The following CLEC16A variants were observed in gnomAD, a reference collection of about 807,000 sequenced individuals.
The protein encoded by CLEC16A is C-type lectin domain containing 16A.
In CLEC16A, 51 loss-of-function variants were observed where a neutral mutation model predicts 109.5. That is an observed-to-expected ratio of 0.47 (90% CI 0.37 to 0.59). The LOEUF (loss-of-function observed/expected upper bound fraction) is 0.59, where lower values mean the gene tolerates loss of function less well. Ranked by LOEUF, CLEC16A falls within the 20% of genes least tolerant of loss-of-function variation. The pLI is 0.00. For synonymous variants in CLEC16A, 673 were observed against 564.2 expected (o/e 1.19, Z -2.73); for missense variants, 1,339 against 1,394.0 (o/e 0.96, Z 0.63).
chr16:11,178,968 C>A lies in CLEC16A; in HGVS notation c.*278C>A, dbSNP rs200099634. ...GCCACTCAGGGAGCTGCCTGGGCTC[C>A]GTGTCTCTGAGCCCCGGGTGGCAGG... On this transcript the variant is annotated 3_prime_UTR_variant, in exon 24 of 24. Coordinates refer to ENST00000409790, the MANE Select transcript of CLEC16A (RefSeq NM_015226.3). The surrounding 1 kb of genome is among the most constrained non-coding windows in gnomAD (Gnocchi z 6.5). 9 of 384,696 alleles carry A rather than the reference C, an allele frequency of 2.3e-5. No homozygotes were observed. The East Asian group carries it at 3.3e-4, about 14-fold the overall frequency. The allele number at this position is 384,696 out of a possible 1,614,324, so 23.8% of individuals were successfully genotyped here. A position where few individuals can be genotyped will look rare whatever the true frequency, so the allele number is the denominator to read the frequency against.
chr16:10,993,806 A>C lies in CLEC16A; in HGVS notation c.1072-9268A>C, dbSNP rs192232077. 8.9e-4 allele frequency among the ~76,000 whole-genome samples: 136 copies of C among 152,310 alleles called. 1 individual carries two copies. The highest frequency in any genetic ancestry group is 3.2e-3 in the African/African-American group (131 of 41,564). On this transcript the variant is annotated intron_variant, in intron 10 of 23. Transcript: ENST00000409790. ...AGAGGCCTGTTCAATGCTCGTGATG[A>C]TCTTGCAATTAATTCATCCCACAAG...
intron 19 of CLEC16A, among the ~76,000 whole-genome samples, chr16:11,112,921 T>C (rs921334296): frequency 6.6e-6 from 1 of 152,072 alleles, no homozygotes; most frequent in South Asian, 2.1e-4. Context: ...TCATGGTCCT[T>C]AGCCTTCCAC....
intron 13 of CLEC16A, among the ~76,000 whole-genome samples, chr16:11,037,245 G>A (rs2047073810): frequency 6.6e-6 from 1 of 152,204 alleles, no homozygotes; most frequent in Non-Finnish European, 1.5e-5. Context: ...CTCCTGGTGG[G>A]CTGGCTGTGT....
chr16:11,134,130 A>C (rs2053416511), intron 22 of CLEC16A, among the ~76,000 whole-genome samples: 1 of 148,276 alleles, frequency 6.7e-6, no homozygotes, highest in East Asian at 2.0e-4. Context: ...GAGTCCCACC[A>C]CCATGCTGAA....
chr16:11,037,495 C>T (rs748148924), intron 13 of CLEC16A, among the ~76,000 whole-genome samples: 2 of 152,196 alleles, frequency 1.3e-5, no homozygotes, highest in Non-Finnish European at 2.9e-5. Context: ...TCTTGGGACG[C>T]TTTTCTTCCT....
chr16:11,156,305 G>C (rs898931345), intron 22 of CLEC16A, among the ~76,000 whole-genome samples: 4 of 151,762 alleles, frequency 2.6e-5, no homozygotes, highest in African/African-American at 9.7e-5. Context: ...GGGAGGCAGA[G>C]GTTGCTCTGA....
chr16:10,950,779 T>C (rs2041688656), intron 1 of CLEC16A, among the ~76,000 whole-genome samples: 1 of 152,206 alleles, frequency 6.6e-6, no homozygotes, highest in African/African-American at 2.4e-5. Flanking sequence ...CCCATCCCTC[T>C]ACCACACCTG....
intron 19 of CLEC16A, among the ~76,000 whole-genome samples, chr16:11,105,506 G>T (rs1303138178): frequency 6.6e-6 from 1 of 152,222 alleles, no homozygotes; most frequent in Non-Finnish European, 1.5e-5. Flanking sequence ...TGACACGGGG[G>T]AAAGATGAAG....
chr16:11,123,672 A>G lies in CLEC16A; in HGVS notation c.2269-70A>G. The G allele has an allele frequency of 2.1e-6, 3 of 1,459,488 alleles. No individual in the cohort carries two copies. In the South Asian group the frequency reaches 3.5e-5, roughly 17 times the overall value. The allele number at this position is 1,459,488 out of a possible 1,614,324, so 90.4% of individuals were successfully genotyped here. A position where few individuals can be genotyped will look rare whatever the true frequency, so the allele number is the denominator to read the frequency against. On this transcript the variant is annotated intron_variant, in intron 20 of 23. Transcript: ENST00000409790. ...GAGACCTCTTTCTAGATGCCTCATG[A>G]TGCCACAGCTCCTAGCCACCCTCCT... is the stretch of plus-strand genomic sequence containing the variant.
intron 22 of CLEC16A, among the ~76,000 whole-genome samples, chr16:11,131,867 C>T (rs114145585): frequency 8.5e-4 from 129 of 152,270 alleles, no homozygotes; most frequent in African/African-American, 2.7e-3. Context: ...GCCCTTCAGC[C>T]GCACTGGCTG....
Position 11,178,787 on chromosome 16 carries a change from T to C in CLEC16A, c.*97T>C. ...CACACTGGGAGCACCCACCATTCTG[T>C]GCGGCCCCCAGCAGCCATCTCAACC... On this transcript the variant is annotated 3_prime_UTR_variant, in exon 24 of 24. Transcript: ENST00000409790. The surrounding 1 kb of genome is among the most constrained non-coding windows in gnomAD (Gnocchi z 6.5). The C allele has an allele frequency of 1.1e-6, 1 of 947,982 alleles. No individual in the cohort carries two copies. The highest frequency in any genetic ancestry group is 1.5e-6 in the Non-Finnish European group (1 of 658,132). The allele number at this position is 947,982 out of a possible 1,614,324, so 58.7% of individuals were successfully genotyped here. A position where few individuals can be genotyped will look rare whatever the true frequency, so the allele number is the denominator to read the frequency against.
At chr16:10,949,276 A>G (rs1048967085) in intron 1 of CLEC16A, among the ~76,000 whole-genome samples, 2 of 152,140 alleles carry the variant, frequency 1.3e-5, no homozygotes, top group South Asian at 2.1e-4. Flanking sequence ...CGTCTTCACC[A>G]TGCCACATAT....
intron 10 of CLEC16A, among the ~76,000 whole-genome samples, chr16:10,999,575 C>T (rs559130851): frequency 3.3e-5 from 5 of 152,298 alleles, no homozygotes; most frequent in South Asian, 2.1e-4. Context: ...AATTACCTAA[C>T]AACTCCCCTA....
Position 10,962,523 on chromosome 16 carries a change from T to C in CLEC16A, c.278T>C (p.Val93Ala). The C allele has an allele frequency of 6.2e-7, 1 of 1,613,946 alleles. No homozygotes were observed. Among genetic ancestry groups the C allele is most frequent in the Non-Finnish European group, 8.5e-7 (1 of 1,179,874 alleles). Residue 93 changes from valine (V) to alanine (A), a missense_variant, in exon 3 of 24, where the codon GTG becomes GCG. By Grantham distance (64) the Val-to-Ala change is moderately conservative. This residue lies in a region of CLEC16A where 117 missense variants were observed against 120.2 expected (regional missense o/e 0.97). Transcript: ENST00000409790. ...NILRQKSGRY[V>A]CVQLLQTLNI... ...TTGCGGCAAAAGTCGGGCCGTTACG[T>C]GTGCGTTCAGCTGCTGCAGACCTTG...
intron 22 of CLEC16A, among the ~76,000 whole-genome samples, chr16:11,146,109 T>C (rs2054045372): frequency 6.6e-6 from 1 of 152,202 alleles, no homozygotes; most frequent in Admixed American, 6.5e-5. Context: ...CTGTCCTTGC[T>C]TCCTTCAGAT....
At chr16:11,163,607 A>G (rs1327320265) in intron 22 of CLEC16A, among the ~76,000 whole-genome samples, 1 of 152,250 alleles carries the variant, frequency 6.6e-6, no homozygotes, top group South Asian at 2.1e-4. Flanking sequence ...CCAGCTTCTC[A>G]TCTGCTACCC....
At chr16:11,004,023 A>T (rs2044836855) in intron 11 of CLEC16A, among the ~76,000 whole-genome samples, 1 of 152,158 alleles carries the variant, frequency 6.6e-6, no homozygotes, top group East Asian at 1.9e-4. Context: ...GAAAAATCAA[A>T]TATAATTCTC....
chr16:11,164,278 G>A (rs2054826670), intron 22 of CLEC16A, among the ~76,000 whole-genome samples: 1 of 152,188 alleles, frequency 6.6e-6, no homozygotes, highest in Admixed American at 6.5e-5. Flanking sequence ...CCATGCACTT[G>A]CCATTATAGT....
At chr16:11,016,303 T>A (rs2045743613) in intron 11 of CLEC16A, among the ~76,000 whole-genome samples, 1 of 151,580 alleles carries the variant, frequency 6.6e-6, no homozygotes, top group South Asian at 2.1e-4. Context: ...GAATTATGTT[T>A]CCCCGACAGC....
Sources: allele counts gnomAD v4.1 joint callset (sites outside exome capture counted in the v4.1 genomes callset), GRCh38; gene constraint gnomAD v4.1.1; regional missense constraint gnomAD v4.1.1; non-coding constraint Gnocchi (gnomAD v3.1); transcripts MANE v1.5; gene names NCBI Gene and HGNC (gene_info 2026-07-23, HGNC 2026-07-21).